The following RAB5A variants were observed in gnomAD, a reference collection of about 807,000 sequenced individuals.
The protein encoded by RAB5A is RAB5A, member RAS oncogene family.
RAB5A carries 8 observed loss-of-function variants against 25.7 expected under a neutral mutation model. The observed-to-expected ratio is 0.31, with a 90% confidence interval of 0.18 to 0.56. The LOEUF (loss-of-function observed/expected upper bound fraction) is 0.56. Among genes scored for constraint, RAB5A ranks in the 20% least tolerant of loss-of-function variants. The probability of loss-of-function intolerance (pLI) is 0.91; values close to 1 mark genes in which losing one functional copy is unlikely to be tolerated. For missense variants in RAB5A, 192 were observed against 259.7 expected, an observed-to-expected ratio of 0.74 and a Z score of 1.79; for synonymous variants, 98 against 89.8, an observed-to-expected ratio of 1.09 and a Z score of -0.52.
chr3:19,983,960 A>G lies in RAB5A; in HGVS notation c.*137A>G, dbSNP rs1269184330. On this transcript the variant is annotated 3_prime_UTR_variant, in exon 6 of 6. Coordinates refer to ENST00000273047, the MANE Select transcript of RAB5A (RefSeq NM_004162.5). ...AGAGTCAAGTTTCTAATACAGAATT[A>G]TTTTAAGTGTTTTGAACTTAATTTT... is the stretch of plus-strand genomic sequence containing the variant. 1.6e-6 allele frequency: 1 copy of G among 638,050 alleles called. No individual in the cohort carries two copies. The highest frequency in any genetic ancestry group is 1.9e-5 in the African/African-American group (1 of 54,024). The allele number at this position is 638,050 out of a possible 1,614,324, so 39.5% of individuals were successfully genotyped here. A position where few individuals can be genotyped will look rare whatever the true frequency, so the allele number is the denominator to read the frequency against.
In RAB5A at chr3:19,969,044, G is replaced by GTTTT. The variant is rs746635502; in HGVS notation, c.164-6557_164-6556insTTTT. ...TTTTTGGTTTTGGTTTTTTTTTTTT[G>GTTTT]GTTTTTTTTTTTTTTTTGAGATGGA... is the stretch of plus-strand genomic sequence containing the variant. On this transcript the variant is annotated intron_variant, in intron 2 of 5. Coordinates refer to ENST00000273047, the MANE Select transcript of RAB5A (RefSeq NM_004162.5). Among the ~76,000 whole-genome samples the GTTTT allele has an allele frequency of 1.6e-3, 102 of 65,526 alleles. 10 individuals are homozygous for GTTTT. Among genetic ancestry groups the GTTTT allele is most frequent in the Non-Finnish European group, 1.5e-3 (58 of 37,610 alleles). 43.0% of individuals were successfully genotyped at this position (65,526 alleles called of 152,430 possible).
intron 2 of RAB5A, among the ~76,000 whole-genome samples, chr3:19,958,576 G>A (rs1404843227): frequency 2.0e-5 from 3 of 152,146 alleles, no homozygotes; most frequent in Non-Finnish European, 1.5e-5. Flanking sequence ...AGGTGTGGTG[G>A]CTCACGCCTG....
rs536244810 is a variant in RAB5A, at chr3:19,983,142, G to T, written c.533-566G>T. Among the ~76,000 whole-genome samples, 36 of 152,172 alleles carry T rather than the reference G, an allele frequency of 2.4e-4. 1 individual carries two copies. The highest frequency in any genetic ancestry group is 8.2e-4 in the African/African-American group (34 of 41,524). ...ACCTGAGGTCAGGAGTTCAAGATCA[G>T]CCTGGGCAACATGGTGAAACCCCGT... On this transcript the variant is annotated intron_variant, in intron 5 of 5. Transcript: ENST00000273047.
intron 3 of RAB5A, 93 bp from the exon 4 acceptor site, chr3:19,975,954 C>T: frequency 6.8e-7 from 1 of 1,473,898 alleles, no homozygotes. Flanking sequence ...TTCCCACAGT[C>T]ACTTGGGACA....
At position 19,984,689 on chromosome 3, in the gene RAB5A, T is replaced by C. The variant is rs1696999188; in HGVS notation, c.*866T>C. On this transcript the variant is annotated 3_prime_UTR_variant, in exon 6 of 6. Transcript: ENST00000273047. The stretch of plus-strand genomic sequence containing the variant: ...TATGTATATTCAAACTTGATTATTT[T>C]AAATTCGATCTTCAGCTGTACTGTA... 6.5e-6 allele frequency: 1 copy of C among 154,974 alleles called. No individual in the cohort carries two copies. 9.6% of individuals were successfully genotyped at this position (154,974 alleles called of 1,614,324 possible).
intron 2 of RAB5A, among the ~76,000 whole-genome samples, chr3:19,959,690 T>G (rs966967158): frequency 6.7e-6 from 1 of 149,988 alleles, no homozygotes; most frequent in Non-Finnish European, 1.5e-5. Context: ...TGCAATGATG[T>G]GATCATGGCT....
chr3:19,984,363 A>G lies in RAB5A; in HGVS notation c.*540A>G. On this transcript the variant is annotated 3_prime_UTR_variant, in exon 6 of 6. Coordinates refer to ENST00000273047, the MANE Select transcript of RAB5A (RefSeq NM_004162.5). ...ACAAGAAAATAATCCCACATATACA[A>G]GGTCAGGGGTGGGGAAGAGTATTAA... The G allele has an allele frequency of 2.7e-6, 1 of 368,510 alleles. No homozygotes were observed. The highest frequency in any genetic ancestry group is 2.0e-5 in the South Asian group (1 of 50,258). 22.8% of individuals were successfully genotyped at this position (368,510 alleles called of 1,614,324 possible).
At chr3:19,968,435 T>C (rs1696690663) in intron 2 of RAB5A, among the ~76,000 whole-genome samples, 1 of 152,188 alleles carries the variant, frequency 6.6e-6, no homozygotes, top group Non-Finnish European at 1.5e-5. Context: ...ACCCAGTGTT[T>C]TCTTTACATT....
intron 4 of RAB5A, among the ~76,000 whole-genome samples, chr3:19,976,465 C>T (rs1299869877): frequency 6.6e-6 from 1 of 152,142 alleles, no homozygotes; most frequent in Non-Finnish European, 1.5e-5. Flanking sequence ...GTGGGTGGAT[C>T]ACCTGAGGTT....
rs973574232 is a variant in RAB5A at position 19,947,535 on chromosome 3, C to T, written c.-94+14C>T. The T allele has an allele frequency of 1.3e-5, 2 of 152,630 alleles. No homozygotes were observed. The highest frequency in any genetic ancestry group is 2.9e-5 in the Non-Finnish European group (2 of 68,414). The allele number at this position is 152,630 out of a possible 1,614,324, so 9.5% of individuals were successfully genotyped here. A position where few individuals can be genotyped will look rare whatever the true frequency, so the allele number is the denominator to read the frequency against. The stretch of plus-strand genomic sequence containing the variant: ...CTGCGGTCTCAGGTAACCGAACCGC[C>T]CCTCCTCCTGCGCAGCGGGGGCCTG... On this transcript the variant is annotated intron_variant, in intron 1 of 5. Coordinates refer to ENST00000273047, the MANE Select transcript of RAB5A (RefSeq NM_004162.5).
Position 19,973,134 on chromosome 3 carries a change from T to G in RAB5A, c.164-2467T>G, listed in dbSNP as rs148169874. 4.6e-5 allele frequency among the ~76,000 whole-genome samples: 7 copies of G among 152,314 alleles called. No individual in the cohort carries two copies. The East Asian group carries it at 1.3e-3, about 29-fold the overall frequency. On this transcript the variant is annotated intron_variant, in intron 2 of 5. Transcript: ENST00000273047. ...GTGCTTAGGTTATATACACATACTT[T>G]GCAATTTTATATCGGGGACTTGAGC...
chr3:19,965,933 G>T (rs1255089297), intron 2 of RAB5A, among the ~76,000 whole-genome samples: 2 of 152,034 alleles, frequency 1.3e-5, no homozygotes, highest in Non-Finnish European at 1.5e-5. Context: ...TCTCCATGTT[G>T]CCCGGGCTGG....
At chr3:19,981,034 A>G (rs766705792) in intron 5 of RAB5A, among the ~76,000 whole-genome samples, 16 of 152,240 alleles carry the variant, frequency 1.1e-4, no homozygotes, top group Non-Finnish European at 1.8e-4. Context: ...TGGTAAAGTT[A>G]GAGTCTTACC....
At chr3:19,970,227 G>C (rs982831044) in intron 2 of RAB5A, among the ~76,000 whole-genome samples, 1 of 152,152 alleles carries the variant, frequency 6.6e-6, no homozygotes, top group Non-Finnish European at 1.5e-5. Flanking sequence ...TTAATCTTTG[G>C]TTTAATGCCA....
At chr3:19,963,374 C>CA (rs1696617812) in intron 2 of RAB5A, among the ~76,000 whole-genome samples, 1 of 123,856 alleles carries the variant, frequency 8.1e-6, no homozygotes, top group African/African-American at 3.4e-5. Context: ...ACCCCCCCCC[C>CA]CCCCGACTTA....
At position 19,969,045 on chromosome 3, in the gene RAB5A, G is replaced by GTTTTTTTTT. The variant is rs386396075; in HGVS notation, c.164-6548_164-6540dup. On this transcript the variant is annotated intron_variant, in intron 2 of 5. Coordinates refer to ENST00000273047, the MANE Select transcript of RAB5A (RefSeq NM_004162.5). ...TTTTGGTTTTGGTTTTTTTTTTTTGGTTTTTTTTTTTTTTTTGAGATGGAG... is the reference window on the plus strand; with the variant it reads ...TTTTGGTTTTGGTTTTTTTTTTTTGGTTTTTTTTTTTTTTTTTTTTTTTTTGAGATGGAG... Among the ~76,000 whole-genome samples the GTTTTTTTTT allele has an allele frequency of 9.4e-4, 97 of 103,372 alleles. 2 individuals carry two copies. Among genetic ancestry groups the GTTTTTTTTT allele is most frequent in the Non-Finnish European group, 1.0e-3 (60 of 57,508 alleles). The allele number at this position is 103,372 out of a possible 152,430, so 67.8% of individuals were successfully genotyped here. A position where few individuals can be genotyped will look rare whatever the true frequency, so the allele number is the denominator to read the frequency against.
intron 2 of RAB5A, among the ~76,000 whole-genome samples, chr3:19,954,394 CTA>C (rs1696468735): frequency 6.6e-6 from 1 of 152,156 alleles, no homozygotes; most frequent in African/African-American, 2.4e-5. Context: ...ATTTTAATCT[CTA>C]TTTGATTGTG....
At chr3:19,977,710 G>T (rs1201159176) in intron 4 of RAB5A, among the ~76,000 whole-genome samples, 1 of 152,086 alleles carries the variant, frequency 6.6e-6, no homozygotes, top group African/African-American at 2.4e-5. Context: ...TTGTTTCTTT[G>T]TCCAATGGGA....
intron 2 of RAB5A, among the ~76,000 whole-genome samples, chr3:19,962,289 G>T (rs571346174): frequency 2.0e-5 from 3 of 152,290 alleles, no homozygotes; most frequent in East Asian, 3.9e-4. Context: ...CAATCTACAG[G>T]CTGGGCGTGG....
Sources: allele counts gnomAD v4.1 joint callset (sites outside exome capture counted in the v4.1 genomes callset), GRCh38; gene constraint gnomAD v4.1.1; transcripts MANE v1.5; gene names NCBI Gene and HGNC (gene_info 2026-07-23, HGNC 2026-07-21).